SUGCT: variants seen among roughly 807,000 people sequenced by gnomAD.
SUGCT encodes succinyl-CoA:glutarate CoA-transferase.
SUGCT carries 41 observed loss-of-function variants against 55.0 expected under a neutral mutation model. That is an observed-to-expected ratio of 0.74 (90% CI 0.58 to 0.97). SUGCT has a LOEUF of 0.97. SUGCT is among the 50% of genes least tolerant of loss of function. The pLI is 0.00. For missense variants in SUGCT, 568 were observed against 547.8 expected (o/e 1.04, Z -0.37); for synonymous variants, 187 against 200.4 (o/e 0.93, Z 0.56).
At chr7:40,540,129 A>G (rs1224740813) in intron 12 of SUGCT, among the ~76,000 whole-genome samples, 3 of 152,160 alleles carry the variant, frequency 2.0e-5, no homozygotes, top group Non-Finnish European at 1.5e-5. Context: ...AAAATCTTCC[A>G]CTTACTCATT....
In SUGCT at chr7:40,802,331, C is replaced by CCACA. The variant is rs375175560; in HGVS notation, c.1153+52847_1153+52850dup. On this transcript the variant is annotated intron_variant, in intron 13 of 13. Transcript: ENST00000335693. ...TCAGACACACACACACACGCACACACCACACACACACACACAGTCACCTTC... is the reference window on the plus strand; with the variant it reads ...TCAGACACACACACACACGCACACACCACACACACACACACACACAGTCACCTTC... 2.4e-3 allele frequency among the ~76,000 whole-genome samples: 369 copies of CCACA among 150,786 alleles called. 5 individuals carry two copies. Among genetic ancestry groups the CCACA allele is most frequent in the South Asian group, 1.0e-3 (5 of 4,762 alleles).
chr7:40,357,996 C>G (rs1158998990), intron 9 of SUGCT, among the ~76,000 whole-genome samples: 3 of 152,144 alleles, frequency 2.0e-5, no homozygotes, highest in Admixed American at 6.5e-5. Flanking sequence ...AGACTTGGCA[C>G]ATAAGAATAG....
intron 6 of SUGCT, among the ~76,000 whole-genome samples, chr7:40,219,954 G>T (rs6944166): frequency 0.52 from 78,299 of 151,890 alleles, 20,664 homozygotes; most frequent in Middle Eastern, 0.66. Flanking sequence ...GCTGGCTGGT[G>T]TTTTTTAGTA....
At chr7:40,793,478 G>A (rs1251742161) in intron 13 of SUGCT, among the ~76,000 whole-genome samples, 2 of 152,220 alleles carry the variant, frequency 1.3e-5, no homozygotes, top group East Asian at 1.9e-4. Context: ...AGAAGTCAGC[G>A]TTCTAACTGT....
the SUGCT span, among the ~76,000 whole-genome samples, chr7:40,994,484 A>C: frequency 6.6e-6 from 1 of 152,052 alleles, no homozygotes; most frequent in African/African-American, 2.4e-5. Flanking sequence ...CCATGCCCCA[A>C]GTGTAAAGAG....
intron 13 of SUGCT, among the ~76,000 whole-genome samples, chr7:40,834,016 C>T (rs1298272480): frequency 6.6e-6 from 1 of 152,178 alleles, no homozygotes; most frequent in African/African-American, 2.4e-5. Context: ...TGCATCATCC[C>T]TTCTCCAGGG....
chr7:40,385,230 C>T (rs1037188589), intron 9 of SUGCT, among the ~76,000 whole-genome samples: 1 of 152,032 alleles, frequency 6.6e-6, no homozygotes, highest in Non-Finnish European at 1.5e-5. Context: ...AAGGAGGATT[C>T]GTGGGTTAGG....
chr7:40,680,552 TCTCTTGTCAAAAGGTAATTATA>T (rs1784188711), intron 12 of SUGCT, among the ~76,000 whole-genome samples: 1 of 152,074 alleles, frequency 6.6e-6, no homozygotes, highest in African/African-American at 2.4e-5. Context: ...CAGGGTGCAT[TCTCTTGTCAAAAGGTAATTATA>T]CTCTACTCAC....
intron 12 of SUGCT, among the ~76,000 whole-genome samples, chr7:40,678,353 C>T (rs1391234288): frequency 6.6e-6 from 1 of 152,112 alleles, no homozygotes; most frequent in Non-Finnish European, 1.5e-5. Flanking sequence ...TGCTCCCTGT[C>T]CATGAGCAGG....
intron 1 of SUGCT, among the ~76,000 whole-genome samples, chr7:40,140,186 G>C (rs1016048032): frequency 3.9e-5 from 6 of 152,140 alleles, no homozygotes; most frequent in African/African-American, 1.4e-4. Context: ...TTATAGGTGT[G>C]AGCCACCGTG....
chr7:40,343,419 G>A (rs972472255), intron 9 of SUGCT, among the ~76,000 whole-genome samples: 2 of 152,108 alleles, frequency 1.3e-5, no homozygotes, highest in African/African-American at 4.8e-5. Flanking sequence ...TTGTAAGGCT[G>A]AGGAAACAGA....
chr7:40,750,247 T>G (rs900698589), intron 13 of SUGCT, among the ~76,000 whole-genome samples: 1 of 152,202 alleles, frequency 6.6e-6, no homozygotes, highest in African/African-American at 2.4e-5. Flanking sequence ...ATCAGATATG[T>G]TTTTTCTCTA....
intron 12 of SUGCT, among the ~76,000 whole-genome samples, chr7:40,735,148 T>A (rs1787090802): frequency 6.6e-6 from 1 of 152,160 alleles, no homozygotes; most frequent in Non-Finnish European, 1.5e-5. Context: ...GGGGAAAGAA[T>A]GCTTTCTTAA....
intron 12 of SUGCT, among the ~76,000 whole-genome samples, chr7:40,605,624 A>G (rs1415481170): frequency 6.6e-6 from 1 of 152,176 alleles, no homozygotes. Flanking sequence ...AATACCTACA[A>G]TCTTGAGAAA....
chr7:40,274,377 T>A, intron 7 of SUGCT, 136 bp from the exon 8 acceptor site: 1 of 830,758 alleles, frequency 1.2e-6, no homozygotes, highest in Non-Finnish European at 1.8e-6. Flanking sequence ...TTTATTTTAT[T>A]AACTTTCTTG....
At chr7:40,607,006 G>A (rs957988365) in intron 12 of SUGCT, among the ~76,000 whole-genome samples, 7 of 152,110 alleles carry the variant, frequency 4.6e-5, no homozygotes, top group Non-Finnish European at 4.4e-5. Context: ...TAATTAGGAG[G>A]GAGGAATGTA....
chr7:40,801,535 G>T (rs73312233), intron 13 of SUGCT, among the ~76,000 whole-genome samples: 1,551 of 152,184 alleles, frequency 0.01, 25 homozygotes, highest in African/African-American at 0.036. Context: ...GATTTCACGT[G>T]GACAATGAAG....
intron 7 of SUGCT, among the ~76,000 whole-genome samples, chr7:40,262,511 A>AG (rs1159110599): frequency 2.6e-5 from 4 of 151,548 alleles, no homozygotes; most frequent in African/African-American, 9.7e-5. Flanking sequence ...AAAAAAAAAA[A>AG]AAAATTAGCC....
intron 13 of SUGCT, among the ~76,000 whole-genome samples, chr7:40,840,954 T>C (rs1461594251): frequency 2.6e-5 from 3 of 113,214 alleles, no homozygotes; most frequent in Non-Finnish European, 1.8e-5. Context: ...CCTAATCCTT[T>C]TATAGTATAT....
Sources: allele counts gnomAD v4.1 joint callset (sites outside exome capture counted in the v4.1 genomes callset), GRCh38; gene constraint gnomAD v4.1.1; transcripts MANE v1.5; gene names NCBI Gene and HGNC (gene_info 2026-07-23, HGNC 2026-07-21).